The following SIRPG variants were observed in gnomAD, a reference collection of about 807,000 sequenced individuals.
SIRPG encodes signal-regulatory protein gamma.
A neutral mutation model predicts 35.7 loss-of-function variants in SIRPG; 38 were observed. That is an observed-to-expected ratio of 1.06 (90% CI 0.82 to 1.40). SIRPG has a LOEUF of 1.40. Ranked by LOEUF, SIRPG falls within the 40% of genes most tolerant of loss-of-function variation. The pLI is 0.00. For missense variants in SIRPG, 519 were observed against 483.0 expected (o/e 1.07, Z -0.70); for synonymous variants, 215 against 190.4 (o/e 1.13, Z -1.06).
chr20:1,668,215 C>CTTTTTCT, the SIRPG span, among the ~76,000 whole-genome samples: 24 of 31,586 alleles, frequency 7.6e-4, no homozygotes, highest in African/African-American at 2.0e-3. Flanking sequence ...TTCTTTCTTT[C>CTTTTTCT]TTTCTTTCTT....
the SIRPG span, among the ~76,000 whole-genome samples, chr20:1,664,339 G>C: frequency 1.3e-5 from 2 of 152,266 alleles, no homozygotes; most frequent in African/African-American, 4.8e-5. Context: ...AACTGGGATG[G>C]GGGTTCATTT....
chr20:1,635,224 AT>A (rs1470713834), intron 4 of SIRPG, 42 bp downstream of exon 4: 1 of 1,491,622 alleles, frequency 6.7e-7, no homozygotes, highest in Non-Finnish European at 9.1e-7. Flanking sequence ...TACTTTTAAA[AT>A]GAGAGAAAAA....
chr20:1,630,416 T>G, intron 4 of SIRPG, 110 bp from the exon 5 acceptor site: 1 of 765,666 alleles, frequency 1.3e-6, no homozygotes, highest in Non-Finnish European at 2.1e-6. Flanking sequence ...TGCCCCACCT[T>G]TGAACCTGCA....
chr20:1,679,368 T>C, the SIRPG span, among the ~76,000 whole-genome samples: 1 of 152,186 alleles, frequency 6.6e-6, no homozygotes, highest in Non-Finnish European at 1.5e-5. Context: ...TACAGCAGTG[T>C]GATAAAGCTG....
chr20:1,657,541 C>A, intron 1 of SIRPG, 101 bp downstream of exon 1: 1 of 1,168,206 alleles, frequency 8.6e-7, no homozygotes, highest in Non-Finnish European at 1.3e-6. Context: ...CCTTGACCTT[C>A]CTTGGCAGTG....
At chr20:1,641,315 A>T (rs1156508434) in intron 2 of SIRPG, among the ~76,000 whole-genome samples, 1 of 151,814 alleles carries the variant, frequency 6.6e-6, no homozygotes, top group Non-Finnish European at 1.5e-5. Flanking sequence ...CAGGGGCTCG[A>T]TTTCTTTTTG....
intron 1 of SIRPG, chr20:1,651,360 G>C (rs1351529530): frequency 6.6e-6 from 1 of 152,240 alleles, no homozygotes; most frequent in Non-Finnish European, 1.5e-5. Context: ...AAACGTTCTA[G>C]TAAAACCCAT....
chr20:1,667,527 A>C, the SIRPG span, among the ~76,000 whole-genome samples: 63 of 152,380 alleles, frequency 4.1e-4, no homozygotes, highest in South Asian at 0.012. Context: ...AGTTATGTGC[A>C]GAATAGATGG....
intron 1 of SIRPG, among the ~76,000 whole-genome samples, chr20:1,650,644 T>C (rs745700984): frequency 3.3e-5 from 5 of 151,470 alleles, no homozygotes. Flanking sequence ...ATTATTAGAG[T>C]TCCGGGGAAA....
intron 2 of SIRPG, among the ~76,000 whole-genome samples, chr20:1,645,016 G>C (rs896253532): frequency 1.2e-4 from 19 of 152,198 alleles, no homozygotes; most frequent in Non-Finnish European, 5.9e-5. Flanking sequence ...TGACATCTTG[G>C]TGTTTTGAGG....
chr20:1,674,716 A>G, the SIRPG span, among the ~76,000 whole-genome samples: 1 of 152,196 alleles, frequency 6.6e-6, no homozygotes, highest in African/African-American at 2.4e-5. Context: ...ACAGATAGGG[A>G]AACTGGGGAC....
At chr20:1,663,763 T>C in the SIRPG span, among the ~76,000 whole-genome samples, 4 of 152,372 alleles carry the variant, frequency 2.6e-5, no homozygotes, top group East Asian at 5.8e-4. Flanking sequence ...ATTCCTGCCA[T>C]GAGCAACAGG....
At chr20:1,673,988 T>G in the SIRPG span, among the ~76,000 whole-genome samples, 2 of 152,140 alleles carry the variant, frequency 1.3e-5, no homozygotes, top group Non-Finnish European at 2.9e-5. Flanking sequence ...ATGGGAAGGG[T>G]CCTGGCCAGG....
Position 1,649,334 on chromosome 20 carries a change from T to C in SIRPG, c.148A>G (p.Thr50Ala). The C allele has an allele frequency of 1.9e-6, 3 of 1,613,902 alleles. No individual in the cohort carries two copies. The highest frequency in any genetic ancestry group is 2.5e-6 in the Non-Finnish European group (3 of 1,179,960). The change falls in exon 2 of 6, where the codon ACT (threonine) becomes GCT (alanine). Residue 50 changes from threonine (T) to alanine (A), a missense_variant. Coordinates refer to ENST00000303415, the MANE Select transcript of SIRPG (RefSeq NM_018556.4). Reference sequence around the variant, plus strand: ...AGGGAGGTCACAGTGCAGTGCAGAGTGGCTGTCTTTCCAACTGTGACCAAC... The same window carrying C: ...AGGGAGGTCACAGTGCAGTGCAGAGCGGCTGTCTTTCCAACTGTGACCAAC... ...LLLVTVGKTA[T>A]LHCTVTSLLP... is the part of the protein sequence containing the mutation.
At chr20:1,643,925 A>T (rs1426358782) in intron 2 of SIRPG, among the ~76,000 whole-genome samples, 1 of 152,162 alleles carries the variant, frequency 6.6e-6, no homozygotes, top group Non-Finnish European at 1.5e-5. Flanking sequence ...GGAGAACGGC[A>T]AAGATGGGTG....
At chr20:1,657,514 C>T (rs1293088974) in intron 1 of SIRPG, 128 bp downstream of exon 1, 4 of 914,898 alleles carry the variant, frequency 4.4e-6, no homozygotes, top group East Asian at 5.1e-5. Flanking sequence ...ATCTTCTGCT[C>T]TTGGACAATG....
chr20:1,673,227 G>A, the SIRPG span, among the ~76,000 whole-genome samples: 2 of 152,166 alleles, frequency 1.3e-5, no homozygotes, highest in South Asian at 4.1e-4. Flanking sequence ...CGACCCTAAC[G>A]GGATGAGAGG....
intron 2 of SIRPG, among the ~76,000 whole-genome samples, chr20:1,645,246 C>T (rs1166655344): frequency 6.6e-6 from 1 of 152,138 alleles, no homozygotes; most frequent in Admixed American, 6.5e-5. Context: ...GAAGCACCCA[C>T]CCCCAGAAAA....
upstream of SIRPG, among the ~76,000 whole-genome samples, chr20:1,660,118 T>A (rs1013011764): frequency 6.6e-6 from 1 of 152,094 alleles, no homozygotes; most frequent in Non-Finnish European, 1.5e-5. Flanking sequence ...ACATCAGGCA[T>A]GTAATAATAT....
Sources: allele counts gnomAD v4.1 joint callset (sites outside exome capture counted in the v4.1 genomes callset), GRCh38; gene constraint gnomAD v4.1.1; transcripts MANE v1.5; gene names NCBI Gene and HGNC (gene_info 2026-07-23, HGNC 2026-07-21).